Variants in FAM184B observed in about 807,000 individuals in gnomAD.
FAM184B encodes the protein protein FAM184B.
Under a neutral mutation model 135.9 loss-of-function variants are expected in FAM184B, and 111 were observed. The ratio of observed to expected loss-of-function variants is 0.82; its 90% CI spans 0.70 to 0.96. The LOEUF (loss-of-function observed/expected upper bound fraction) is 0.96, where lower values mean the gene tolerates loss of function less well. Among genes scored for constraint, FAM184B ranks in the 40% least tolerant of loss-of-function variants. FAM184B has a pLI of 0.00. For missense variants in FAM184B, 1,375 were observed against 1,323.9 expected (o/e 1.04, Z -0.60); for synonymous variants, 552 against 524.8 (o/e 1.05, Z -0.71).
intron 8 of FAM184B, among the ~76,000 whole-genome samples, chr4:17,660,769 AT>A (rs1360350655): frequency 6.6e-6 from 1 of 151,958 alleles, no homozygotes; most frequent in East Asian, 1.9e-4. Flanking sequence ...GATGTGAAGT[AT>A]TTATCTTGTT....
chr4:17,717,399 C>A (rs1196479848), intron 1 of FAM184B, among the ~76,000 whole-genome samples: 1 of 152,162 alleles, frequency 6.6e-6, no homozygotes, highest in Non-Finnish European at 1.5e-5. Flanking sequence ...CGCTCTTCTC[C>A]TGGGCTTCAT....
chr4:17,759,911 C>G (rs551893455), intron 1 of FAM184B, among the ~76,000 whole-genome samples: 1 of 152,054 alleles, frequency 6.6e-6, no homozygotes, highest in African/African-American at 2.4e-5. Context: ...AGGTGGGTAC[C>G]GGTTTCAATA....
intron 1 of FAM184B, among the ~76,000 whole-genome samples, chr4:17,775,330 T>A (rs1718904615): frequency 6.6e-6 from 1 of 152,060 alleles, no homozygotes; most frequent in Non-Finnish European, 1.5e-5. Flanking sequence ...GGACTACCGG[T>A]GCGTGCCACC....
chr4:17,756,633 A>G (rs757785809), intron 1 of FAM184B, among the ~76,000 whole-genome samples: 11 of 152,196 alleles, frequency 7.2e-5, no homozygotes, highest in Non-Finnish European at 1.3e-4. Context: ...TAGCTATTAA[A>G]TGAAGATGGG....
intron 7 of FAM184B, among the ~76,000 whole-genome samples, chr4:17,681,818 T>C (rs1716448180): frequency 6.6e-6 from 1 of 152,158 alleles, no homozygotes; most frequent in Non-Finnish European, 1.5e-5. Flanking sequence ...CAGATTTCAG[T>C]GTCAAGCAGA....
intron 14 of FAM184B, among the ~76,000 whole-genome samples, chr4:17,637,324 GC>G (rs775818891): frequency 1.3e-5 from 2 of 152,332 alleles, no homozygotes; most frequent in East Asian, 3.9e-4. Flanking sequence ...ACCGCGCCCG[GC>G]CCCCACTGCT....
intron 1 of FAM184B, among the ~76,000 whole-genome samples, chr4:17,751,749 G>A (rs1311059012): frequency 6.7e-6 from 1 of 149,986 alleles, no homozygotes. Flanking sequence ...CTCCAGGGAA[G>A]TCCAGCTAGT....
At chr4:17,710,243 G>A (rs1359757055) in intron 1 of FAM184B, among the ~76,000 whole-genome samples, 1 of 152,150 alleles carries the variant, frequency 6.6e-6, no homozygotes, top group Non-Finnish European at 1.5e-5. Context: ...AGAATCACTT[G>A]AACCCAGGAG....
In FAM184B at chr4:17,781,063, G is replaced by C; in HGVS notation, c.141+96C>G. ...GCCTCCGAGACAAAGTTTCTGTCTG[G>C]ATTTGGCCCGGGCCTCCCGGGAGGC... On this transcript the variant is annotated intron_variant, in intron 1 of 17. Coordinates refer to ENST00000265018, the MANE Select transcript of FAM184B (RefSeq NM_015688.2). The surrounding 1 kb of genome is among the most constrained non-coding windows in gnomAD (Gnocchi z 6.5). 7.2e-7 allele frequency: 1 copy of C among 1,396,988 alleles called. No individual in the cohort carries two copies. Among genetic ancestry groups the C allele is most frequent in the Non-Finnish European group, 9.4e-7 (1 of 1,063,668 alleles). The allele number at this position is 1,396,988 out of a possible 1,614,324, so 86.5% of individuals were successfully genotyped here.
chr4:17,761,151 A>G (rs761750608), intron 1 of FAM184B, among the ~76,000 whole-genome samples: 9 of 152,184 alleles, frequency 5.9e-5, no homozygotes, highest in Non-Finnish European at 1.0e-4. Flanking sequence ...TAAGCCTAAG[A>G]TAGAGCCTAG....
chr4:17,741,571 G>A (rs1718035710), intron 1 of FAM184B, among the ~76,000 whole-genome samples: 1 of 152,184 alleles, frequency 6.6e-6, no homozygotes, highest in African/African-American at 2.4e-5. Context: ...GCGCATGCCT[G>A]TAATCCCAGC....
intron 1 of FAM184B, among the ~76,000 whole-genome samples, chr4:17,770,451 T>C (rs1247877585): frequency 1.3e-5 from 2 of 148,352 alleles, no homozygotes; most frequent in Non-Finnish European, 3.1e-5. Flanking sequence ...TTGTTGTTGT[T>C]GTTGTTGTTG....
At chr4:17,779,875 A>C (rs1311308225) in intron 1 of FAM184B, among the ~76,000 whole-genome samples, 1 of 152,272 alleles carries the variant, frequency 6.6e-6, no homozygotes, top group Non-Finnish European at 1.5e-5. Context: ...AAGATAGAGA[A>C]GATGCCTTGC....
chr4:17,636,649 T>G lies in FAM184B; in HGVS notation c.2667-4A>C. ...CTTCTCTCCGGAATCTTTCAGTCTG[T>G]TCCAAGCAGGCATGCAGTCAAGTCC... On this transcript the variant is annotated splice_polypyrimidine_tract_variant and splice_region_variant and intron_variant, in intron 14 of 17. Coordinates refer to ENST00000265018, the MANE Select transcript of FAM184B (RefSeq NM_015688.2). 6.5e-7 allele frequency: 1 copy of G among 1,544,904 alleles called. No individual in the cohort carries two copies. The highest frequency in any genetic ancestry group is 8.7e-7 in the Non-Finnish European group (1 of 1,144,444).
intron 4 of FAM184B, among the ~76,000 whole-genome samples, 192 bp downstream of exon 4, chr4:17,705,560 C>T (rs917576006): frequency 6.6e-6 from 1 of 152,212 alleles, no homozygotes; most frequent in Non-Finnish European, 1.5e-5. Flanking sequence ...GATTCTGCTA[C>T]AGTCTCAGTC....
chr4:17,661,114 G>C (rs1715908711), intron 8 of FAM184B, among the ~76,000 whole-genome samples: 1 of 152,198 alleles, frequency 6.6e-6, no homozygotes. Context: ...ATACGGGAGA[G>C]AGTTTAAAGA....
At chr4:17,637,237 C>T (rs187396073) in intron 14 of FAM184B, among the ~76,000 whole-genome samples, 82 of 152,288 alleles carry the variant, frequency 5.4e-4, no homozygotes, top group African/African-American at 1.6e-3. Context: ...CTATGTTGGC[C>T]AGGCTGGTCT....
intron 7 of FAM184B, among the ~76,000 whole-genome samples, chr4:17,679,942 G>T (rs1299885350): frequency 6.6e-6 from 1 of 152,130 alleles, no homozygotes; most frequent in Non-Finnish European, 1.5e-5. Flanking sequence ...ACCAAACATG[G>T]TATGTTCCCA....
intron 7 of FAM184B, among the ~76,000 whole-genome samples, chr4:17,674,571 A>T (rs1716268084): frequency 6.6e-6 from 1 of 152,168 alleles, no homozygotes; most frequent in African/African-American, 2.4e-5. Flanking sequence ...AGTTTGCCAC[A>T]TCGCTTGACT....
Sources: allele counts gnomAD v4.1 joint callset (sites outside exome capture counted in the v4.1 genomes callset), GRCh38; gene constraint gnomAD v4.1.1; non-coding constraint Gnocchi (gnomAD v3.1); transcripts MANE v1.5; gene names NCBI Gene and HGNC (gene_info 2026-07-23, HGNC 2026-07-21).